The following RALGAPA1 variants were observed in gnomAD, a reference collection of about 807,000 sequenced individuals.
RALGAPA1 encodes ral GTPase-activating protein subunit alpha-1.
In RALGAPA1, 52 loss-of-function variants were observed where a neutral mutation model predicts 269.6. That is an observed-to-expected ratio of 0.19 (90% CI 0.15 to 0.24). RALGAPA1 has a LOEUF of 0.24. Among genes scored for constraint, RALGAPA1 ranks in the 10% least tolerant of loss-of-function variants. The probability of loss-of-function intolerance (pLI) is 1.00; values close to 1 mark genes in which losing one functional copy is unlikely to be tolerated. For missense variants in RALGAPA1, 1,917 were observed against 3,013.9 expected (o/e 0.64, Z 8.52); for synonymous variants, 817 against 1,008.3 (o/e 0.81, Z 3.60).
chr14:35,650,369 A>T (rs1490937480), intron 31 of RALGAPA1, among the ~76,000 whole-genome samples: 1 of 152,120 alleles, frequency 6.6e-6, no homozygotes, highest in Non-Finnish European at 1.5e-5. Context: ...TGGGTGACAG[A>T]GTGAGATGAC....
At chr14:35,548,618 C>G in intron 40 of RALGAPA1, 80 bp from the exon 41 acceptor site, 1 of 943,652 alleles carries the variant, frequency 1.1e-6, no homozygotes, top group Non-Finnish European at 1.6e-6. Context: ...CATTTATTTT[C>G]TTACTGATTT....
In RALGAPA1 at chr14:35,803,456, AT is replaced by A. The variant is rs1020893158; in HGVS notation, c.106+5273del. Reference sequence around the variant, plus strand: ...AGATTTTAGATACAAAATAAAAAAAATAAATTAAAAATTGATATATAGACAA... The same window carrying A: ...AGATTTTAGATACAAAATAAAAAAAAAAATTAAAAATTGATATATAGACAA... On this transcript the variant is annotated intron_variant, in intron 1 of 41. Transcript: ENST00000680220. 6.6e-5 allele frequency among the ~76,000 whole-genome samples: 10 copies of A among 152,240 alleles called. No homozygotes were observed. The East Asian group carries it at 9.6e-4, about 15-fold the overall frequency.
chr14:35,747,424 T>G (rs1232158424), intron 10 of RALGAPA1, among the ~76,000 whole-genome samples: 1 of 152,214 alleles, frequency 6.6e-6, no homozygotes, highest in Non-Finnish European at 1.5e-5. Context: ...CTTTCCCAAT[T>G]GTTACATATT....
intron 12 of RALGAPA1, among the ~76,000 whole-genome samples, chr14:35,735,471 ACAT>A (rs1409949595): frequency 1.3e-5 from 2 of 152,226 alleles, no homozygotes; most frequent in Non-Finnish European, 2.9e-5. Flanking sequence ...AGAAAACCAA[ACAT>A]CATATGTTCT....
chr14:35,712,703 C>G (rs564646602), intron 16 of RALGAPA1, among the ~76,000 whole-genome samples: 3 of 152,242 alleles, frequency 2.0e-5, no homozygotes, highest in African/African-American at 7.2e-5. Context: ...GACAGGGTCT[C>G]ACTATGTTGC....
At chr14:35,611,116 A>G (rs890152668) in intron 35 of RALGAPA1, among the ~76,000 whole-genome samples, 3 of 152,192 alleles carry the variant, frequency 2.0e-5, no homozygotes, top group African/African-American at 7.2e-5. Context: ...GAAATTGGCA[A>G]GCTTGGCTGA....
intron 37 of RALGAPA1, among the ~76,000 whole-genome samples, chr14:35,575,489 C>G (rs1452214574): frequency 6.6e-6 from 1 of 152,208 alleles, no homozygotes; most frequent in Non-Finnish European, 1.5e-5. Flanking sequence ...TAATTTCCCA[C>G]CTGATACAGG....
chr14:35,660,329 C>G (rs1169156146), intron 27 of RALGAPA1, among the ~76,000 whole-genome samples: 2 of 152,020 alleles, frequency 1.3e-5, no homozygotes. Context: ...ACAAAACATA[C>G]AAAAATCAGT....
chr14:35,615,606 T>A (rs8008481), intron 35 of RALGAPA1, among the ~76,000 whole-genome samples: 3 of 152,062 alleles, frequency 2.0e-5, no homozygotes, highest in African/African-American at 7.2e-5. Flanking sequence ...AACAAATAAA[T>A]GTCATGCATT....
chr14:35,765,244 C>A (rs559392958), intron 4 of RALGAPA1, among the ~76,000 whole-genome samples: 1 of 152,168 alleles, frequency 6.6e-6, no homozygotes, highest in East Asian at 1.9e-4. Flanking sequence ...TATAATTTAT[C>A]TTGTTATCAG....
chr14:35,650,196 AC>A (rs913614458), intron 31 of RALGAPA1, among the ~76,000 whole-genome samples: 25 of 151,400 alleles, frequency 1.7e-4, no homozygotes, highest in Admixed American at 3.3e-4. Context: ...AGATGATGAG[AC>A]CCCCCCGCCC....
intron 35 of RALGAPA1, among the ~76,000 whole-genome samples, chr14:35,617,617 C>CTGTG (rs1207651423): frequency 1.3e-5 from 1 of 77,494 alleles, no homozygotes; most frequent in African/African-American, 5.6e-5. Context: ...AAACTCCATC[C>CTGTG]TGTGTGTGTG....
intron 1 of RALGAPA1, among the ~76,000 whole-genome samples, chr14:35,784,430 G>T (rs2075664419): frequency 6.6e-6 from 1 of 152,140 alleles, no homozygotes; most frequent in Admixed American, 6.6e-5. Flanking sequence ...CCACAGAGAT[G>T]GAAAGTATCT....
At position 35,572,668 on chromosome 14, in the gene RALGAPA1, A is replaced by G; in HGVS notation, c.7260T>C (p.Thr2420=). 6.2e-7 allele frequency: 1 copy of G among 1,609,280 alleles called. No individual in the cohort carries two copies. The highest frequency in any genetic ancestry group is 8.5e-7 in the Non-Finnish European group (1 of 1,177,768). ...GAATAATTCCTCTCCTGTAGTCTCTAGTATGCTCTGACCAAACAATGTGCA... is the reference window on the plus strand; with the variant it reads ...GAATAATTCCTCTCCTGTAGTCTCTGGTATGCTCTGACCAAACAATGTGCA... The part of the protein sequence containing the change: ...DEVHIVWSEH[T]RDYRRGIIPT... Residue 2420 remains threonine, a synonymous_variant, in exon 38 of 42, where the codon ACT becomes ACC. Transcript: ENST00000680220.
chr14:35,720,061 T>C (rs2069248062), intron 16 of RALGAPA1, among the ~76,000 whole-genome samples: 1 of 152,248 alleles, frequency 6.6e-6, no homozygotes, highest in Admixed American at 6.5e-5. Flanking sequence ...CAACAATTCT[T>C]AATACACAAA....
chr14:35,766,913 C>T, intron 4 of RALGAPA1: 1 of 415,012 alleles, frequency 2.4e-6, no homozygotes, highest in Non-Finnish European at 4.7e-6. Context: ...AGTGAGTAAC[C>T]CTGTTGCACT....
chr14:35,770,554 C>T (rs917131412), intron 4 of RALGAPA1, among the ~76,000 whole-genome samples: 4 of 151,852 alleles, frequency 2.6e-5, no homozygotes, highest in Non-Finnish European at 5.9e-5. Context: ...AACTAGCAAA[C>T]AATAAGTAAA....
chr14:35,748,615 A>T lies in RALGAPA1; in HGVS notation c.1221T>A (p.Asn407Lys). The T allele has an allele frequency of 6.2e-7, 1 of 1,610,754 alleles. No individual in the cohort carries two copies. The highest frequency in any genetic ancestry group is 8.5e-7 in the Non-Finnish European group (1 of 1,178,382). ...GAAATATCTCTGTCACAAAGTTTAC[A>T]TTACTCCTTTTAGAAGAAAAAACTC... Reference protein sequence around the residue: ...VRRVFSSKRSNVNFVTEIFRQ... With the variant: ...VRRVFSSKRSKVNFVTEIFRQ... The change falls in exon 10 of 42, where the codon AAT becomes AAA. Residue 407 changes from asparagine (N) to lysine (K), a missense_variant. Physicochemically the swap from Asn to Lys is moderately conservative, Grantham distance 94. Coordinates refer to ENST00000680220, the MANE Select transcript of RALGAPA1 (RefSeq NM_001346249.2).
chr14:35,737,843 T>G (rs568311950), intron 12 of RALGAPA1, among the ~76,000 whole-genome samples: 1 of 143,652 alleles, frequency 7.0e-6, no homozygotes, highest in Non-Finnish European at 1.5e-5. Context: ...TCCCAGCACT[T>G]TGGGAGGCTG....
Sources: gnomAD v4.1 joint callset for allele counts (sites outside exome capture counted in the v4.1 genomes callset) on GRCh38, gnomAD v4.1.1 for gene constraint, MANE v1.5 for transcripts, NCBI Gene and HGNC (gene_info 2026-07-23, HGNC 2026-07-21) for gene names.